MACROD2: variants seen among roughly 807,000 people sequenced by gnomAD.
MACROD2 encodes mono-ADP ribosylhydrolase 2, also known as ADP-ribose glycohydrolase MACROD2.
A neutral mutation model predicts 70.4 loss-of-function variants in MACROD2; 36 were observed. The observed-to-expected ratio is 0.51, with a 90% CI of 0.39 to 0.68. The LOEUF is 0.68. Ranked by LOEUF, MACROD2 falls within the 30% of genes least tolerant of loss-of-function variation. MACROD2 has a pLI of 0.00. For synonymous variants in MACROD2, 172 were observed against 178.8 expected, an observed-to-expected ratio of 0.96 and a Z score of 0.30; for missense variants, 496 against 538.4, an observed-to-expected ratio of 0.92 and a Z score of 0.78.
chr20:16,050,053 A>T lies in MACROD2; in HGVS notation c.*177A>T. 1 of 548,054 alleles carries T rather than the reference A, an allele frequency of 1.8e-6. No individual in the cohort carries two copies. The highest frequency in any genetic ancestry group is 3.1e-6 in the Non-Finnish European group (1 of 321,000). The allele number at this position is 548,054 out of a possible 1,614,324, so 33.9% of individuals were successfully genotyped here. A position where few individuals can be genotyped will look rare whatever the true frequency, so the allele number is the denominator to read the frequency against. The stretch of plus-strand genomic sequence containing the variant: ...CCGTTTATCTGCAGAAAAAGAAAGA[A>T]AAAAAAGAAAAAAAAAGTTTCCTTT... On this transcript the variant is annotated 3_prime_UTR_variant, in exon 18 of 18. Coordinates refer to ENST00000684519, the MANE Select transcript of MACROD2 (RefSeq NM_001351661.2).
chr20:14,401,926 T>G (rs917450143), intron 3 of MACROD2, among the ~76,000 whole-genome samples: 1 of 152,112 alleles, frequency 6.6e-6, no homozygotes, highest in African/African-American at 2.4e-5. Context: ...CAAATTGAAG[T>G]GCCATCCACC....
intron 8 of MACROD2, among the ~76,000 whole-genome samples, chr20:15,727,469 G>C (rs920757408): frequency 3.3e-5 from 5 of 149,434 alleles, no homozygotes; most frequent in Non-Finnish European, 6.0e-5. Flanking sequence ...TTCTGATTCT[G>C]TGAAGAATAT....
At chr20:15,405,096 A>G (rs776803471) in intron 6 of MACROD2, among the ~76,000 whole-genome samples, 2 of 152,210 alleles carry the variant, frequency 1.3e-5, no homozygotes, top group African/African-American at 2.4e-5. Context: ...CCATACACAC[A>G]GAATGTGTAT....
At chr20:14,417,764 T>C (rs377172120) in intron 3 of MACROD2, among the ~76,000 whole-genome samples, 17 of 152,206 alleles carry the variant, frequency 1.1e-4, no homozygotes, top group African/African-American at 4.1e-4. Flanking sequence ...TTGAGTGCTG[T>C]ATTACTTCTG....
chr20:16,027,410 C>T (rs775118), intron 15 of MACROD2, among the ~76,000 whole-genome samples: 149,837 of 152,362 alleles, frequency 0.98, 73,728 homozygotes, highest in East Asian at 1. Flanking sequence ...CAAGATATAG[C>T]GCAAATAATT....
intron 5 of MACROD2, among the ~76,000 whole-genome samples, chr20:14,690,387 T>C (rs1229752727): frequency 1.3e-5 from 2 of 152,208 alleles, no homozygotes; most frequent in Non-Finnish European, 2.9e-5. Flanking sequence ...ATGAGTGGTA[T>C]GAATCAGAAT....
chr20:14,615,578 T>C (rs915155989), intron 4 of MACROD2, among the ~76,000 whole-genome samples: 2 of 151,890 alleles, frequency 1.3e-5, no homozygotes, highest in Non-Finnish European at 2.9e-5. Context: ...ATAGAGGTAA[T>C]GGTGGGGAGG....
intron 4 of MACROD2, among the ~76,000 whole-genome samples, chr20:14,666,008 T>C (rs182185752): frequency 3.3e-4 from 51 of 152,260 alleles, no homozygotes; most frequent in African/African-American, 1.1e-3. Context: ...CTGCCCTTTT[T>C]AAATATGCTT....
At chr20:14,179,538 AT>A (rs1283523800) in intron 3 of MACROD2, among the ~76,000 whole-genome samples, 1 of 152,144 alleles carries the variant, frequency 6.6e-6, no homozygotes, top group African/African-American at 2.4e-5. Flanking sequence ...TGATTCACTC[AT>A]TTATTTACTT....
At chr20:15,468,786 G>T (rs551171866) in intron 7 of MACROD2, among the ~76,000 whole-genome samples, 4 of 152,070 alleles carry the variant, frequency 2.6e-5, no homozygotes, top group Non-Finnish European at 4.4e-5. Context: ...CTCCCTGTCA[G>T]CAATCTCAAT....
intron 3 of MACROD2, among the ~76,000 whole-genome samples, chr20:14,388,290 G>A (rs2083489800): frequency 1.3e-5 from 2 of 152,060 alleles, no homozygotes; most frequent in Non-Finnish European, 1.5e-5. Flanking sequence ...GGGATTACAG[G>A]TGTGAGCCAC....
Position 13,995,565 on chromosome 20 carries a change from T to C in MACROD2, c.-199T>C, listed in dbSNP as rs997038874. The C allele has an allele frequency of 1.5e-6, 1 of 651,982 alleles. No homozygotes were observed. Among genetic ancestry groups the C allele is most frequent in the Admixed American group, 2.2e-5 (1 of 46,140 alleles). The allele number at this position is 651,982 out of a possible 1,614,324, so 40.4% of individuals were successfully genotyped here. A position where few individuals can be genotyped will look rare whatever the true frequency, so the allele number is the denominator to read the frequency against. ...GCGGCGTCCGCGGGGCTGAGGCGGG[T>C]GGGAGCCGGAGCCGAGCGCGGGCTG... On this transcript the variant is annotated 5_prime_UTR_variant, in exon 1 of 18. Transcript: ENST00000684519. The surrounding 1 kb of genome is among the most constrained non-coding windows in gnomAD (Gnocchi z 4.3).
intron 8 of MACROD2, among the ~76,000 whole-genome samples, chr20:15,504,989 C>T (rs2047407776): frequency 6.6e-6 from 1 of 152,148 alleles, no homozygotes; most frequent in Non-Finnish European, 1.5e-5. Flanking sequence ...CTCTGAGACC[C>T]CCTGCTCATA....
chr20:15,727,226 A>G (rs2050877581), intron 8 of MACROD2, among the ~76,000 whole-genome samples: 1 of 151,654 alleles, frequency 6.6e-6, no homozygotes, highest in South Asian at 2.1e-4. Context: ...CTTGTTTTTA[A>G]CTTAACAAAA....
rs566722983 is a variant in MACROD2 at position 15,541,904 on chromosome 20, GT to G, written c.645+42059del. 4.7e-3 allele frequency among the ~76,000 whole-genome samples: 720 copies of G among 152,298 alleles called. 8 individuals are homozygous for G. The highest frequency in any genetic ancestry group is 0.017 in the African/African-American group (693 of 41,554). Reference sequence around the variant, plus strand: ...CTTCCCCACTACACCACATGGGAATGTTATGGTTGCTAAGAAGCACAAATGA... The same window carrying G: ...CTTCCCCACTACACCACATGGGAATGTATGGTTGCTAAGAAGCACAAATGA... On this transcript the variant is annotated intron_variant, in intron 8 of 17. Transcript: ENST00000684519.
chr20:15,699,322 C>CTGAA (rs2050421505), intron 8 of MACROD2, among the ~76,000 whole-genome samples: 1 of 152,124 alleles, frequency 6.6e-6, no homozygotes, highest in African/African-American at 2.4e-5. Context: ...TTCCTGAGAG[C>CTGAA]TGAACTGCAG....
At chr20:15,536,696 A>G (rs975653070) in intron 8 of MACROD2, among the ~76,000 whole-genome samples, 1 of 152,224 alleles carries the variant, frequency 6.6e-6, no homozygotes, top group Admixed American at 6.5e-5. Flanking sequence ...TCTTTTATTC[A>G]TACTCCAACA....
chr20:14,889,240 T>A, intron 5 of MACROD2, among the ~76,000 whole-genome samples: 1 of 152,176 alleles, frequency 6.6e-6, no homozygotes, highest in East Asian at 1.9e-4. Context: ...GGCCAAAGGT[T>A]GTTGTAGGCA....
rs1051159788 is a variant in MACROD2, at chr20:14,442,686, G to A, written c.272-50793G>A. ...TGCTCTTCTTCTGGTAGAGCAGAGA[G>A]CCATGCCCAAGCAGTCAACAGACTA... is the stretch of plus-strand genomic sequence containing the variant. On this transcript the variant is annotated intron_variant, in intron 3 of 17. Transcript: ENST00000684519. Among the ~76,000 whole-genome samples, 5 of 152,044 alleles carry A rather than the reference G, an allele frequency of 3.3e-5. 1 individual carries two copies. The highest frequency in any genetic ancestry group is 1.2e-4 in the African/African-American group (5 of 41,330).
Sources: allele counts gnomAD v4.1 joint callset (sites outside exome capture counted in the v4.1 genomes callset), GRCh38; gene constraint gnomAD v4.1.1; non-coding constraint Gnocchi (gnomAD v3.1); transcripts MANE v1.5; gene names NCBI Gene and HGNC (gene_info 2026-07-23, HGNC 2026-07-21).